SPDEF: variants seen among roughly 807,000 people sequenced by gnomAD.
The protein encoded by SPDEF is SAM pointed domain containing ETS transcription factor, also known as SAM pointed domain-containing Ets transcription factor.
A neutral mutation model predicts 36.0 loss-of-function variants in SPDEF; 12 were observed. The observed-to-expected ratio is 0.33, with a 90% CI of 0.21 to 0.54. The LOEUF (loss-of-function observed/expected upper bound fraction) is 0.54. Ranked by LOEUF, SPDEF falls within the 20% of genes least tolerant of loss-of-function variation. SPDEF has a pLI of 0.93. For missense variants in SPDEF, 388 were observed against 456.9 expected, an observed-to-expected ratio of 0.85 and a Z score of 1.37; for synonymous variants, 205 against 193.0, an observed-to-expected ratio of 1.06 and a Z score of -0.51.
chr6:34,545,472 GCTTGGTTTTGCCC>G (rs1185579463), intron 1 of SPDEF, among the ~76,000 whole-genome samples: 2 of 152,258 alleles, frequency 1.3e-5, no homozygotes, highest in Non-Finnish European at 2.9e-5. Flanking sequence ...GGCCGCCCCG[GCTTGGTTTTGCCC>G]AGGCCCTTTT....
rs1389641921 is a variant in SPDEF at position 34,539,776 on chromosome 6, G to A, written c.635-214C>T. ...CAGGATTTCAGAGCTGGGAGGGGCCGTAAAGGGCTTGCATGCAACCCCTTG... is the reference window on the plus strand; with the variant it reads ...CAGGATTTCAGAGCTGGGAGGGGCCATAAAGGGCTTGCATGCAACCCCTTG... On this transcript the variant is annotated intron_variant, in intron 3 of 5. Coordinates refer to ENST00000374037, the MANE Select transcript of SPDEF (RefSeq NM_012391.3). This position sits in a 1 kb window ranked among gnomAD's most constrained non-coding sequence, Gnocchi z 5.2. Among the ~76,000 whole-genome samples, 1 of 152,220 alleles carries A rather than the reference G, an allele frequency of 6.6e-6. No individual in the cohort carries two copies. The highest frequency in any genetic ancestry group is 1.5e-5 in the Non-Finnish European group (1 of 68,034).
chr6:34,538,549 G>T lies in SPDEF; in HGVS notation c.830-97C>A. On this transcript the variant is annotated intron_variant, in intron 5 of 5. Transcript: ENST00000374037. The surrounding 1 kb of genome is among the most constrained non-coding windows in gnomAD (Gnocchi z 5.9). Reference sequence around the variant, plus strand: ...CAGGTCAGCCTCGTGGCGAACCAAGGGACCCCGTGCAGAGGCCTCCCCCTG... The same window carrying T: ...CAGGTCAGCCTCGTGGCGAACCAAGTGACCCCGTGCAGAGGCCTCCCCCTG... The T allele has an allele frequency of 3.0e-6, 4 of 1,321,090 alleles. No individual in the cohort carries two copies. Among genetic ancestry groups the T allele is most frequent in the Non-Finnish European group, 4.2e-6 (4 of 960,440 alleles). The allele number at this position is 1,321,090 out of a possible 1,614,324, so 81.8% of individuals were successfully genotyped here. A position where few individuals can be genotyped will look rare whatever the true frequency, so the allele number is the denominator to read the frequency against.
In SPDEF at chr6:34,543,907, G is replaced by A. The variant is rs968238240; in HGVS notation, c.436+113C>T. ...AGTGCCAGCATCCCCAAAGCTGCCC[G>A]AGGCTGGGCCAGAGGTGGCCAGAGT... On this transcript the variant is annotated intron_variant, in intron 2 of 5. Coordinates refer to ENST00000374037, the MANE Select transcript of SPDEF (RefSeq NM_012391.3). 83 of 1,055,100 alleles carry A rather than the reference G, an allele frequency of 7.9e-5. No homozygotes were observed. The East Asian group carries it at 2.1e-3, about 27-fold the overall frequency. 65.4% of individuals were successfully genotyped at this position (1,055,100 alleles called of 1,614,324 possible). A position where few individuals can be genotyped will look rare whatever the true frequency, so the allele number is the denominator to read the frequency against.
intron 1 of SPDEF, among the ~76,000 whole-genome samples, chr6:34,545,220 C>T (rs1767926049): frequency 6.6e-6 from 1 of 152,248 alleles, no homozygotes; most frequent in Non-Finnish European, 1.5e-5. Flanking sequence ...CCCCCAGGGC[C>T]CCTTCCAGCT....
At chr6:34,540,565 C>G (rs1767796092) in intron 3 of SPDEF, among the ~76,000 whole-genome samples, 3 of 151,850 alleles carry the variant, frequency 2.0e-5, no homozygotes, top group Admixed American at 2.0e-4. Context: ...GGAAACTGTT[C>G]ATGGTACACT....
rs1485582927 is a variant in SPDEF at position 34,544,204 on chromosome 6, C to T, written c.252G>A (p.Glu84=). The T allele has an allele frequency of 6.2e-7, 1 of 1,613,738 alleles. No individual in the cohort carries two copies. The highest frequency in any genetic ancestry group is 1.3e-5 in the African/African-American group (1 of 74,938). ...AAKAPGASSR[E]EPPEEPEQCP... is the part of the protein sequence containing the mutation. The stretch of plus-strand genomic sequence containing the variant: ...ACTGCTCAGGCTCCTCAGGTGGCTC[C>T]TCCCGACTGCTGGCCCCAGGGGCCT... The change falls in exon 2 of 6, where the codon GAG becomes GAA. Residue 84 remains glutamate (E), a synonymous_variant. Transcript: ENST00000374037. This position sits in a 1 kb window ranked among gnomAD's most constrained non-coding sequence, Gnocchi z 4.4.
At chr6:34,547,152 C>T (rs3798552) in intron 1 of SPDEF, among the ~76,000 whole-genome samples, 9,633 of 152,188 alleles carry the variant, frequency 0.063, 639 homozygotes, top group African/African-American at 0.16. Flanking sequence ...AAGCAGAACT[C>T]GCTTCCCTTG....
intron 1 of SPDEF, among the ~76,000 whole-genome samples, chr6:34,546,434 C>T (rs1767955281): frequency 6.6e-6 from 1 of 152,114 alleles, no homozygotes; most frequent in Non-Finnish European, 1.5e-5. Flanking sequence ...CCCGCGCAGC[C>T]TCCGTATGCA....
chr6:34,541,359 C>T (rs1280339732), intron 2 of SPDEF, among the ~76,000 whole-genome samples, 178 bp from the exon 3 acceptor site: 2 of 152,114 alleles, frequency 1.3e-5, no homozygotes, highest in East Asian at 1.9e-4. Flanking sequence ...GAGAGTGGGG[C>T]GAGAGGAAGG....
intron 2 of SPDEF, among the ~76,000 whole-genome samples, chr6:34,542,117 G>A (rs549150418): frequency 2.0e-5 from 3 of 152,346 alleles, no homozygotes; most frequent in African/African-American, 4.8e-5. Context: ...AGTCGGCCTG[G>A]CATGGGCATT....
intron 2 of SPDEF, among the ~76,000 whole-genome samples, chr6:34,543,195 C>CAAAAAAAAAAAA (rs56021909): frequency 2.9e-5 from 2 of 69,142 alleles, no homozygotes; most frequent in African/African-American, 6.4e-5. Flanking sequence ...GACTCCATCT[C>CAAAAAAAAAAAA]AAAAAAAAAA....
chr6:34,544,571 T>A lies in SPDEF; in HGVS notation c.-29-87A>T. Reference sequence around the variant, plus strand: ...CTGGTTATGGGGATGAGGGGCCCTGTGGACAGTGGGCTGGGCCTGGGACAG... The same window carrying A: ...CTGGTTATGGGGATGAGGGGCCCTGAGGACAGTGGGCTGGGCCTGGGACAG... On this transcript the variant is annotated intron_variant, in intron 1 of 5. Transcript: ENST00000374037. The surrounding 1 kb of genome is among the most constrained non-coding windows in gnomAD (Gnocchi z 4.4). 1 of 1,124,054 alleles carries A rather than the reference T, an allele frequency of 8.9e-7. No individual in the cohort carries two copies. The highest frequency in any genetic ancestry group is 1.2e-6 in the Non-Finnish European group (1 of 824,634). 69.6% of individuals were successfully genotyped at this position (1,124,054 alleles called of 1,614,324 possible). A position where few individuals can be genotyped will look rare whatever the true frequency, so the allele number is the denominator to read the frequency against.
chr6:34,541,275 G>T (rs561444179), intron 2 of SPDEF, 94 bp from the exon 3 acceptor site: 7 of 1,276,578 alleles, frequency 5.5e-6, no homozygotes, highest in Non-Finnish European at 7.5e-6. Context: ...CTGAGACCAT[G>T]TGCTCTTGGG....
In SPDEF at chr6:34,541,116, G is replaced by A. The variant is rs776712379; in HGVS notation, c.502C>T (p.Leu168=). The A allele has an allele frequency of 1.2e-6, 2 of 1,610,218 alleles. No homozygotes were observed. The highest frequency in any genetic ancestry group is 1.7e-6 in the Non-Finnish European group (2 of 1,178,664). The stretch of plus-strand genomic sequence containing the variant: ...TGGAAGGCCTTGCCCATGGGGGGCA[G>A]CCGGTATTGGTGCTCTGTCCACAGG... ...WLLWTEHQYR[L]PPMGKAFQEL... The change falls in exon 3 of 6, where the codon CTG becomes TTG. Residue 168 remains leucine (L), a synonymous_variant. Coordinates refer to ENST00000374037, the MANE Select transcript of SPDEF (RefSeq NM_012391.3).
intron 2 of SPDEF, among the ~76,000 whole-genome samples, chr6:34,543,218 A>AAG (rs1767865481): frequency 7.9e-6 from 1 of 126,772 alleles, no homozygotes; most frequent in African/African-American, 3.3e-5. Flanking sequence ...AAAAAAAAAA[A>AAG]AAGAAGAAAA....
At position 34,539,477 on chromosome 6, in the gene SPDEF, C is replaced by G; in HGVS notation, c.682+38G>C. ...ATTGGCAGCCACCCCTCCACCCCAC[C>G]CGAGCCCCCGCCTCCACCCTGCCGC... On this transcript the variant is annotated intron_variant, in intron 4 of 5. Coordinates refer to ENST00000374037, the MANE Select transcript of SPDEF (RefSeq NM_012391.3). This position sits in a 1 kb window ranked among gnomAD's most constrained non-coding sequence, Gnocchi z 5.2. 6.4e-7 allele frequency: 1 copy of G among 1,569,650 alleles called. No individual in the cohort carries two copies. The highest frequency in any genetic ancestry group is 1.2e-5 in the South Asian group (1 of 86,240).
chr6:34,549,606 G>A (rs753836419), intron 1 of SPDEF, among the ~76,000 whole-genome samples: 1 of 152,182 alleles, frequency 6.6e-6, no homozygotes, highest in Non-Finnish European at 1.5e-5. Context: ...GACCCAGGTC[G>A]CTGTGCGGGT....
chr6:34,550,419 G>A (rs1676462074), intron 1 of SPDEF, among the ~76,000 whole-genome samples: 1 of 152,290 alleles, frequency 6.6e-6, no homozygotes, highest in Admixed American at 6.5e-5. Flanking sequence ...CCTCGGGCCA[G>A]CAGCTCCTGC....
rs767702104 is a variant in SPDEF, at chr6:34,538,388, G to A, written c.894C>T (p.Pro298=). Residue 298 remains proline, a synonymous_variant, in exon 6 of 6, where the codon CCC becomes CCT. Coordinates refer to ENST00000374037, the MANE Select transcript of SPDEF (RefSeq NM_012391.3). The surrounding 1 kb of genome is among the most constrained non-coding windows in gnomAD (Gnocchi z 5.9). ...ARLWGIRKNR[P]AMNYDKLSRS... ...GGCTCAGCTTGTCGTAGTTCATGGC[G>A]GGACGGTTCTTGCGGATGCCCCACA... The A allele has an allele frequency of 1.9e-5, 31 of 1,613,972 alleles. No homozygotes were observed. The Admixed American group carries it at 2.2e-4, about 11-fold the overall frequency.
Sources: gnomAD v4.1 joint callset for allele counts (sites outside exome capture counted in the v4.1 genomes callset) on GRCh38, gnomAD v4.1.1 for gene constraint, Gnocchi (gnomAD v3.1) non-coding constraint, MANE v1.5 for transcripts, NCBI Gene and HGNC (gene_info 2026-07-23, HGNC 2026-07-21) for gene names.